Variants in C12orf76 observed in about 807,000 individuals in gnomAD.
The protein encoded by C12orf76 is uncharacterized protein C12orf76.
C12orf76 carries 6 observed loss-of-function variants against 6.8 expected under a neutral mutation model. The observed-to-expected ratio is 0.88, with a 90% confidence interval of 0.48 to 1.73. The LOEUF is 1.73. Among genes scored for constraint, C12orf76 ranks in the 40% most tolerant of loss-of-function variants. C12orf76 has a pLI of 0.01. For synonymous variants in C12orf76, 56 were observed against 43.7 expected, an observed-to-expected ratio of 1.28 and a Z score of -1.11; for missense variants, 99 against 98.2, an observed-to-expected ratio of 1.01 and a Z score of -0.03.
intron 3 of C12orf76, among the ~76,000 whole-genome samples, chr12:110,058,279 A>G (rs1892708281): frequency 6.6e-6 from 1 of 152,160 alleles, no homozygotes; most frequent in Non-Finnish European, 1.5e-5. Context: ...AATTCTTTCT[A>G]TGACAGTAAA....
chr12:110,072,324 C>G (rs992738392), upstream of C12orf76, among the ~76,000 whole-genome samples: 1 of 151,126 alleles, frequency 6.6e-6, no homozygotes, highest in East Asian at 1.9e-4. Flanking sequence ...GGATGAGCAC[C>G]GAAAACATGC....
At chr12:110,052,238 G>A (rs1397527081), upstream of C12orf76, among the ~76,000 whole-genome samples, 1 of 151,252 alleles carries the variant, frequency 6.6e-6, no homozygotes. Flanking sequence ...CTGTTGCCCA[G>A]GCTGGAGTGT....
At position 110,042,357 on chromosome 12, in the gene C12orf76, A is replaced by C. The variant is rs1397246507; in HGVS notation, c.*17T>G. The C allele has an allele frequency of 1.2e-6, 2 of 1,608,558 alleles. No individual in the cohort carries two copies. ...TTATCCTATTCCCAAATACTCATTGAAGAACTTGTCTGGCTGTCACCGACG... is the reference window on the plus strand; with the variant it reads ...TTATCCTATTCCCAAATACTCATTGCAGAACTTGTCTGGCTGTCACCGACG... On this transcript the variant is annotated 3_prime_UTR_variant, in exon 2 of 2. Coordinates refer to ENST00000615315, the MANE Select transcript of C12orf76 (RefSeq NM_001389625.1).
At chr12:110,065,831 C>T (rs761647291) in intron 2 of C12orf76, 1 of 1,614,048 alleles carries the variant, frequency 6.2e-7, no homozygotes, top group African/African-American at 1.3e-5. Flanking sequence ...TGTCCTGCCC[C>T]CTGGTCTGGC....
At chr12:110,050,180 T>C (rs1892552315), upstream of C12orf76, 2 of 152,222 alleles carry the variant, frequency 1.3e-5, no homozygotes, top group African/African-American at 4.8e-5. Context: ...TTGAGCTAAG[T>C]GTTTGGCCCA....
At chr12:110,051,367 A>T (rs1892572557), upstream of C12orf76, 4 of 665,952 alleles carry the variant, frequency 6.0e-6, no homozygotes, top group Non-Finnish European at 1.1e-5. Flanking sequence ...ATGTCTGCAA[A>T]CTCCTTTGCC....
At chr12:110,073,428 T>G (rs534662452) in exon 1 of C12orf76, 1 of 522,712 alleles carries the variant, frequency 1.9e-6, no homozygotes, top group East Asian at 5.4e-5. Flanking sequence ...TTACCTAACA[T>G]AGGAAAAGAC....
intron 1 of C12orf76, chr12:110,042,742 A>C (rs1279553694): frequency 1.6e-6 from 1 of 621,516 alleles, no homozygotes. Flanking sequence ...GACAGTCAGG[A>C]AGCATCCGAG....
At chr12:110,050,490 A>T (rs1371446463), upstream of C12orf76, 1 of 159,872 alleles carries the variant, frequency 6.3e-6, no homozygotes, top group Non-Finnish European at 1.4e-5. Context: ...TACAGGTCAT[A>T]AAGACCTTGC....
chr12:110,067,299 C>T (rs1175542954), intron 1 of C12orf76, among the ~76,000 whole-genome samples: 1 of 152,156 alleles, frequency 6.6e-6, no homozygotes, highest in African/African-American at 2.4e-5. Flanking sequence ...CCAAGTCGCA[C>T]ATCCCAAATG....
At chr12:110,064,150 G>A (rs991761918) in intron 2 of C12orf76, among the ~76,000 whole-genome samples, 1 of 152,152 alleles carries the variant, frequency 6.6e-6, no homozygotes, top group African/African-American at 2.4e-5. Flanking sequence ...TGGGGTCCAG[G>A]GAAAGGGATC....
At chr12:110,068,494 G>C (rs1055964724), upstream of C12orf76, among the ~76,000 whole-genome samples, 5 of 152,114 alleles carry the variant, frequency 3.3e-5, no homozygotes, top group Admixed American at 6.5e-5. Flanking sequence ...TGTGGTTAAC[G>C]TAAGCTGGGT....
At chr12:110,053,791 G>A (rs191511625), upstream of C12orf76, among the ~76,000 whole-genome samples, 87 of 152,136 alleles carry the variant, frequency 5.7e-4, no homozygotes, top group African/African-American at 2.0e-3. Flanking sequence ...TTCATACAAT[G>A]GGATGCTTTG....
intron 4 of C12orf76, chr12:110,056,882 C>G: frequency 3.7e-6 from 1 of 271,890 alleles, no homozygotes; most frequent in Non-Finnish European, 7.1e-6. Flanking sequence ...TGAGGCCTTC[C>G]CAGCCATGTG....
At chr12:110,051,113 A>G (rs1210314904), upstream of C12orf76, 1 of 780,692 alleles carries the variant, frequency 1.3e-6, no homozygotes, top group Non-Finnish European at 2.4e-6. Context: ...CTGTGCACAG[A>G]ACTGATGACA....
At chr12:110,053,253 C>T (rs967992259), upstream of C12orf76, among the ~76,000 whole-genome samples, 2 of 151,830 alleles carry the variant, frequency 1.3e-5, no homozygotes, top group African/African-American at 2.4e-5. Context: ...AATCCCAGCA[C>T]CTTGGGAGGC....
chr12:110,050,798 C>G, upstream of C12orf76: 1 of 586,454 alleles, frequency 1.7e-6, no homozygotes, highest in Non-Finnish European at 3.0e-6. Flanking sequence ...TATTAATAAA[C>G]TTGCTTTCAC....
At chr12:110,055,724 G>C (rs1014454122) in intron 4 of C12orf76, among the ~76,000 whole-genome samples, 2 of 152,112 alleles carry the variant, frequency 1.3e-5, no homozygotes, top group Admixed American at 1.3e-4. Context: ...TGGGTTGGGG[G>C]AAGCCAGTGT....
At chr12:110,070,067 G>A (rs142541823), upstream of C12orf76, among the ~76,000 whole-genome samples, 11,218 of 148,342 alleles carry the variant, frequency 0.076, 440 homozygotes, top group African/African-American at 0.096. Flanking sequence ...TGGACAACAC[G>A]GTGAAACCCT....
Sources: allele counts gnomAD v4.1 joint callset (sites outside exome capture counted in the v4.1 genomes callset), GRCh38; gene constraint gnomAD v4.1.1; transcripts MANE v1.5; gene names NCBI Gene and HGNC (gene_info 2026-07-23, HGNC 2026-07-21).